The following CFAP300 variants were observed in gnomAD, a reference collection of about 807,000 sequenced individuals.
CFAP300 encodes cilia- and flagella-associated protein 300.
Under a neutral mutation model 33.0 loss-of-function variants are expected in CFAP300, and 32 were observed. That is an observed-to-expected ratio of 0.97 (90% confidence interval 0.73 to 1.30). The LOEUF is 1.30. Ranked by LOEUF, CFAP300 falls within the 50% of genes most tolerant of loss-of-function variation. CFAP300 has a pLI of 0.00. For synonymous variants in CFAP300, 102 were observed against 106.8 expected (o/e 0.95, Z 0.28); for missense variants, 356 against 318.1 (o/e 1.12, Z -0.90).
chr11:102,081,181 A>C (rs1942468061), intron 5 of CFAP300, 34 bp from the exon 6 acceptor site: 1 of 1,511,056 alleles, frequency 6.6e-7, no homozygotes, highest in Non-Finnish European at 9.1e-7. Flanking sequence ...AATGCCTATT[A>C]TATGTTAAAA....
At chr11:102,049,812 T>G (rs967245238) in intron 2 of CFAP300, among the ~76,000 whole-genome samples, 2 of 151,914 alleles carry the variant, frequency 1.3e-5, no homozygotes, top group African/African-American at 4.8e-5. Flanking sequence ...TGATCCCAGC[T>G]TACAAGGCAT....
In CFAP300 at chr11:102,069,718, G is replaced by T. The variant is rs576153549; in HGVS notation, c.435+3067G>T. On this transcript the variant is annotated intron_variant, in intron 4 of 6. Transcript: ENST00000434758. ...CTAGGGAGGCTGAGGCAGGAGAATC[G>T]CTTGAACCCAGGAGGCGGAGGTTGC... 1.8e-3 allele frequency among the ~76,000 whole-genome samples: 274 copies of T among 152,164 alleles called. 1 individual carries two copies. The highest frequency in any genetic ancestry group is 3.5e-3 in the Non-Finnish European group (236 of 68,004).
At chr11:102,057,632 C>T (rs1207841650) in intron 2 of CFAP300, among the ~76,000 whole-genome samples, 1 of 152,106 alleles carries the variant, frequency 6.6e-6, no homozygotes, top group African/African-American at 2.4e-5. Context: ...CCAAGTGAAA[C>T]CTCCCAAAAT....
In CFAP300 at chr11:102,083,085, G is replaced by C; in HGVS notation, c.690G>C (p.Met230Ile). 6.6e-7 allele frequency: 1 copy of C among 1,512,290 alleles called. No individual in the cohort carries two copies. The highest frequency in any genetic ancestry group is 8.9e-7 in the Non-Finnish European group (1 of 1,127,274). 93.7% of individuals were successfully genotyped at this position (1,512,290 alleles called of 1,614,324 possible). A position where few individuals can be genotyped will look rare whatever the true frequency, so the allele number is the denominator to read the frequency against. ...GTCTTTTTCAGGATTCTGCTGGTATGTGCTATCCTTCAGCAAAGAATCATG... is the reference window on the plus strand; with the variant it reads ...GTCTTTTTCAGGATTCTGCTGGTATCTGCTATCCTTCAGCAAAGAATCATG... ...FKVSAYDSAG[M>I]CYPSAKNHEQ... Residue 230 changes from methionine (M) to isoleucine (I), a missense_variant, in exon 7 of 7, where the codon ATG becomes ATC. Transcript: ENST00000434758.
intron 2 of CFAP300, among the ~76,000 whole-genome samples, chr11:102,057,646 A>T (rs1469711026): frequency 6.6e-6 from 1 of 152,236 alleles, no homozygotes; most frequent in East Asian, 1.9e-4. Flanking sequence ...CCAAAATGCA[A>T]GGAACTCCCT....
Position 102,065,105 on chromosome 11 carries a change from T to TTTTG in CFAP300, c.269-1363_269-1360dup, listed in dbSNP as rs201761965. ...TAAATGAGATCCCAAGGGAGAAATT[T>TTTTG]TTTGTTTGTTTGTTTGTTTGAGATG... On this transcript the variant is annotated intron_variant, in intron 3 of 6. Coordinates refer to ENST00000434758, the MANE Select transcript of CFAP300 (RefSeq NM_032930.3). 4.6e-5 allele frequency among the ~76,000 whole-genome samples: 7 copies of TTTTG among 152,202 alleles called. 1 individual carries two copies. Among genetic ancestry groups the TTTTG allele is most frequent in the Middle Eastern group, 6.8e-3 (2 of 294 alleles).
intron 2 of CFAP300, among the ~76,000 whole-genome samples, chr11:102,053,575 C>G (rs1424055069): frequency 6.6e-6 from 1 of 151,272 alleles, no homozygotes; most frequent in Non-Finnish European, 1.5e-5. Context: ...AACAAACAAA[C>G]AAACAAACAA....
intron 5 of CFAP300, among the ~76,000 whole-genome samples, chr11:102,080,252 T>C (rs1942454810): frequency 6.6e-6 from 1 of 152,226 alleles, no homozygotes; most frequent in African/African-American, 2.4e-5. Flanking sequence ...CTGTAGCTTA[T>C]TTTCTCAATC....
rs773964052 is a variant in CFAP300, at chr11:102,060,276, A to AT, written c.268+1340dup. 5.6e-3 allele frequency among the ~76,000 whole-genome samples: 730 copies of AT among 129,984 alleles called. 5 individuals are homozygous for AT. Among genetic ancestry groups the AT allele is most frequent in the Middle Eastern group, 8.7e-3 (2 of 230 alleles). 85.3% of individuals were successfully genotyped at this position (129,984 alleles called of 152,430 possible). A position where few individuals can be genotyped will look rare whatever the true frequency, so the allele number is the denominator to read the frequency against. ...GCGTGAACCACCACGCTCAGCCTAA[A>AT]TTTTTTTTTTTTTTTTTTTAAGTAG... is the stretch of plus-strand genomic sequence containing the variant. On this transcript the variant is annotated intron_variant, in intron 3 of 6. Transcript: ENST00000434758.
At chr11:102,081,119 T>C in intron 5 of CFAP300, 96 bp from the exon 6 acceptor site, 2 of 901,102 alleles carry the variant, frequency 2.2e-6, no homozygotes, top group Non-Finnish European at 3.3e-6. Context: ...ATGTTCTATA[T>C]GAATAAGAAC....
intron 4 of CFAP300, among the ~76,000 whole-genome samples, chr11:102,067,774 G>GTTCCA (rs1292259317): frequency 1.3e-5 from 2 of 152,172 alleles, no homozygotes; most frequent in African/African-American, 4.8e-5. Flanking sequence ...AGGTGCAGTG[G>GTTCCA]AGCGCACCTG....
chr11:102,058,907 C>T lies in CFAP300; in HGVS notation c.220C>T (p.Pro74Ser). ...MAFFKDPNVI[P>S]NLKLLSDSSG... ...TTTTTTCAAAGACCCAAATGTTATT[C>T]CCAATTTGAAGTTACTTTCAGATTC... Residue 74 changes from proline to serine, a missense_variant, in exon 3 of 7, where the codon CCC becomes TCC. By Grantham distance (74) the Pro-to-Ser change is moderately conservative. Coordinates refer to ENST00000434758, the MANE Select transcript of CFAP300 (RefSeq NM_032930.3). 6.3e-7 allele frequency: 1 copy of T among 1,586,588 alleles called. No homozygotes were observed. Among genetic ancestry groups the T allele is most frequent in the Non-Finnish European group, 8.6e-7 (1 of 1,168,368 alleles).
intron 4 of CFAP300, among the ~76,000 whole-genome samples, chr11:102,070,231 A>G: frequency 6.6e-6 from 1 of 152,134 alleles, no homozygotes; most frequent in Non-Finnish European, 1.5e-5. Context: ...GCTTTCCCTT[A>G]CCTATATTTT....
chr11:102,066,408 G>A lies in CFAP300; in HGVS notation c.269-77G>A, dbSNP rs2135033862. On this transcript the variant is annotated intron_variant, in intron 3 of 6. Transcript: ENST00000434758. The stretch of plus-strand genomic sequence containing the variant: ...GTTAACTTCTTAGAATTTCTGCATA[G>A]CGATTTATTTTGGAAATAGTTGAGA... The A allele has an allele frequency of 3.1e-6, 3 of 976,682 alleles. No homozygotes were observed. The South Asian group carries it at 6.2e-5, about 20-fold the overall frequency. The allele number at this position is 976,682 out of a possible 1,614,324, so 60.5% of individuals were successfully genotyped here.
Position 102,050,928 on chromosome 11 carries a change from G to T in CFAP300, c.192+3032G>T, listed in dbSNP as rs183363679. On this transcript the variant is annotated intron_variant, in intron 2 of 6. Transcript: ENST00000434758. ...TCACCTTGGCAGAAGTGTGGAGGGT[G>T]GGTTGTTAGGACTGAGTCAGGAAGT... 7.9e-5 allele frequency among the ~76,000 whole-genome samples: 12 copies of T among 152,286 alleles called. 1 individual carries two copies. The East Asian group carries it at 1.9e-3, about 24-fold the overall frequency.
chr11:102,049,273 G>A (rs536622554), intron 2 of CFAP300, among the ~76,000 whole-genome samples: 1 of 152,224 alleles, frequency 6.6e-6, no homozygotes, highest in South Asian at 2.1e-4. Flanking sequence ...CCTTTAGTTT[G>A]CAGCTGCAGA....
chr11:102,061,978 C>T (rs1020265066), intron 3 of CFAP300, among the ~76,000 whole-genome samples: 2 of 152,150 alleles, frequency 1.3e-5, no homozygotes, highest in African/African-American at 4.8e-5. Context: ...GTCCCCACCC[C>T]TAAATTCATA....
chr11:102,054,240 A>G (rs1020938762), intron 2 of CFAP300, among the ~76,000 whole-genome samples: 4 of 152,190 alleles, frequency 2.6e-5, no homozygotes, highest in Non-Finnish European at 4.4e-5. Context: ...CAATGCCGTT[A>G]GATTATGTCT....
intron 4 of CFAP300, among the ~76,000 whole-genome samples, 165 bp downstream of exon 4, chr11:102,066,816 T>C (rs1433881799): frequency 7.9e-5 from 12 of 152,244 alleles, no homozygotes; most frequent in Non-Finnish European, 1.8e-4. Context: ...TCTACTTAGA[T>C]GGCACTTTAA....
Sources: gnomAD v4.1 joint callset for allele counts (sites outside exome capture counted in the v4.1 genomes callset) on GRCh38, gnomAD v4.1.1 for gene constraint, MANE v1.5 for transcripts, NCBI Gene and HGNC (gene_info 2026-07-23, HGNC 2026-07-21) for gene names.